ZNRF2: variants seen among roughly 807,000 people sequenced by gnomAD.
ZNRF2 encodes zinc and ring finger 2.
ZNRF2 carries 16 observed loss-of-function variants against 20.4 expected under a neutral mutation model. That is an observed-to-expected ratio of 0.79 (90% confidence interval 0.53 to 1.19). The LOEUF is 1.19. Ranked by LOEUF, ZNRF2 falls within the 50% of genes most tolerant of loss-of-function variation. The pLI is 0.00. For synonymous variants in ZNRF2, 178 were observed against 144.9 expected (o/e 1.23, Z -1.64); for missense variants, 363 against 332.4 (o/e 1.09, Z -0.72).
intron 3 of ZNRF2, among the ~76,000 whole-genome samples, chr7:30,357,595 A>G (rs1457124589): frequency 1.3e-5 from 2 of 152,196 alleles, no homozygotes; most frequent in South Asian, 4.1e-4. Flanking sequence ...AGTGAAGATC[A>G]GAGAAGAAAA....
intron 1 of ZNRF2, among the ~76,000 whole-genome samples, chr7:30,307,299 T>C (rs1799221377): frequency 6.6e-6 from 1 of 151,494 alleles, no homozygotes; most frequent in Admixed American, 6.6e-5. Flanking sequence ...CATTCTCTTT[T>C]TTGTCTTCTT....
At chr7:30,348,255 A>T (rs1455744327) in intron 2 of ZNRF2, among the ~76,000 whole-genome samples, 1 of 151,094 alleles carries the variant, frequency 6.6e-6, no homozygotes, top group African/African-American at 2.4e-5. Context: ...GTCAGTGGCA[A>T]CAACAACCCA....
chr7:30,329,800 C>A (rs1799609170), intron 2 of ZNRF2, among the ~76,000 whole-genome samples: 1 of 152,098 alleles, frequency 6.6e-6, no homozygotes, highest in Non-Finnish European at 1.5e-5. Context: ...ATACTGATTT[C>A]ATTTCTTTTG....
intron 2 of ZNRF2, among the ~76,000 whole-genome samples, chr7:30,354,038 A>C (rs1017373746): frequency 6.6e-6 from 1 of 151,876 alleles, no homozygotes; most frequent in Non-Finnish European, 1.5e-5. Context: ...CTTGTTCCCT[A>C]TCTGAATCTC....
chr7:30,360,553 G>A (rs42585), intron 3 of ZNRF2, among the ~76,000 whole-genome samples: 1 of 151,826 alleles, frequency 6.6e-6, no homozygotes, highest in African/African-American at 2.4e-5. Context: ...AGCTGGGTTT[G>A]TGGCAGGTGG....
At chr7:30,337,905 A>G (rs1799740488) in intron 2 of ZNRF2, among the ~76,000 whole-genome samples, 1 of 152,132 alleles carries the variant, frequency 6.6e-6, no homozygotes, top group Non-Finnish European at 1.5e-5. Context: ...AGCCAGTACT[A>G]CCAGTTTCTT....
At chr7:30,361,139 T>G (rs2127957878) in intron 3 of ZNRF2, among the ~76,000 whole-genome samples, 1 of 152,096 alleles carries the variant, frequency 6.6e-6, no homozygotes, top group Middle Eastern at 3.4e-3. Flanking sequence ...TATTATGAAT[T>G]AACACATCTG....
At chr7:30,350,477 T>C (rs1189992335) in intron 2 of ZNRF2, among the ~76,000 whole-genome samples, 1 of 152,060 alleles carries the variant, frequency 6.6e-6, no homozygotes, top group Non-Finnish European at 1.5e-5. Context: ...CCCAGATTAA[T>C]AAACGTTATT....
rs1485029241 is a variant in ZNRF2, at chr7:30,298,172, G to A, written c.469+12346G>A. Among the ~76,000 whole-genome samples, 6 of 151,290 alleles carry A rather than the reference G, an allele frequency of 4.0e-5. No individual in the cohort carries two copies. In the South Asian group the frequency reaches 6.3e-4, roughly 16 times the overall value. On this transcript the variant is annotated intron_variant, in intron 1 of 4. Coordinates refer to ENST00000323037, the MANE Select transcript of ZNRF2 (RefSeq NM_147128.4). ...CATATATTCCATTTTTGTTTTGTGG[G>A]TACAATACCTTTTTCTAAGAATATT...
intron 1 of ZNRF2, among the ~76,000 whole-genome samples, chr7:30,302,389 G>A (rs1303454055): frequency 6.6e-6 from 1 of 152,040 alleles, no homozygotes; most frequent in East Asian, 1.9e-4. Context: ...ATAATTCAGC[G>A]CATGTTGCAA....
intron 1 of ZNRF2, among the ~76,000 whole-genome samples, chr7:30,320,784 T>C (rs932060607): frequency 1.3e-5 from 2 of 152,238 alleles, no homozygotes; most frequent in African/African-American, 4.8e-5. Flanking sequence ...GTTTTTGATA[T>C]ACATTGCAAA....
intron 2 of ZNRF2, among the ~76,000 whole-genome samples, chr7:30,342,113 A>G (rs928101298): frequency 8.3e-5 from 12 of 144,232 alleles, no homozygotes; most frequent in East Asian, 6.1e-4. Context: ...TTTTGAGCCT[A>G]TGTGTGTCTT....
In ZNRF2 at chr7:30,311,884, A is replaced by C. The variant is rs73081545; in HGVS notation, c.470-11758A>C. On this transcript the variant is annotated intron_variant, in intron 1 of 4. Transcript: ENST00000323037. ...TAAATTAGATTTTAGTTGTGATAGT[A>C]ATCTGTTAATGTATATTTAGCCTTC... Among the ~76,000 whole-genome samples the C allele has an allele frequency of 4.0e-3, 603 of 152,270 alleles. 4 individuals carry two copies. The highest frequency in any genetic ancestry group is 0.011 in the Admixed American group (162 of 15,298).
In ZNRF2 at chr7:30,284,647, G is replaced by A. The variant is rs150031568; in HGVS notation, c.-711G>A. ...CAGCCGCGCCGCTCCGCGGCCTTCC[G>A]GCGCGGGGCCGGGGAACCTCCTCCC... is the stretch of plus-strand genomic sequence containing the variant. On this transcript the variant is annotated 5_prime_UTR_variant, in exon 1 of 5. Coordinates refer to ENST00000323037, the MANE Select transcript of ZNRF2 (RefSeq NM_147128.4). 0.018 allele frequency: 2,781 copies of A among 153,240 alleles called. 31 individuals carry two copies. Among genetic ancestry groups the A allele is most frequent in the South Asian group, 0.038 (201 of 5,298 alleles). The allele number at this position is 153,240 out of a possible 1,614,324, so 9.5% of individuals were successfully genotyped here.
intron 1 of ZNRF2, among the ~76,000 whole-genome samples, chr7:30,314,432 G>A (rs1384421376): frequency 1.3e-5 from 2 of 152,110 alleles, no homozygotes; most frequent in South Asian, 2.1e-4. Flanking sequence ...TATCAGATTT[G>A]TAGGTTATAT....
intron 1 of ZNRF2, among the ~76,000 whole-genome samples, chr7:30,307,600 C>A (rs1799230838): frequency 6.6e-6 from 1 of 151,812 alleles, no homozygotes; most frequent in Non-Finnish European, 1.5e-5. Context: ...CTATCAAATT[C>A]TGTGTTGTTA....
chr7:30,357,469 C>T (rs538044398), intron 3 of ZNRF2, among the ~76,000 whole-genome samples: 1 of 152,048 alleles, frequency 6.6e-6, no homozygotes, highest in Non-Finnish European at 1.5e-5. Flanking sequence ...TAGAGTGATC[C>T]TCACAAGGTT....
At chr7:30,307,567 G>A (rs1464078550) in intron 1 of ZNRF2, among the ~76,000 whole-genome samples, 5 of 151,708 alleles carry the variant, frequency 3.3e-5, no homozygotes, top group Non-Finnish European at 7.4e-5. Flanking sequence ...TGTTTTTATT[G>A]ACCCTTAATT....
Position 30,355,825 on chromosome 7 carries a change from T to C in ZNRF2, c.663T>C (p.Tyr221=), listed in dbSNP as rs1800028092. 3 of 1,611,266 alleles carry C rather than the reference T, an allele frequency of 1.9e-6. No individual in the cohort carries two copies. The change falls in exon 3 of 5, where the codon TAT becomes TAC. Residue 221 remains tyrosine, a synonymous_variant. Coordinates refer to ENST00000323037, the MANE Select transcript of ZNRF2 (RefSeq NM_147128.4). The part of the protein sequence containing the change: ...TIARLPCLCI[Y]HKGCIDEWFE... ...CACGACTGCCTTGTCTATGCATATATCATAAAGGGTAAGTTCACCAAGTTG... is the reference window on the plus strand; with the variant it reads ...CACGACTGCCTTGTCTATGCATATACCATAAAGGGTAAGTTCACCAAGTTG...
Sources: allele counts gnomAD v4.1 joint callset (sites outside exome capture counted in the v4.1 genomes callset), GRCh38; gene constraint gnomAD v4.1.1; transcripts MANE v1.5; gene names NCBI Gene and HGNC (gene_info 2026-07-23, HGNC 2026-07-21).